The following TF variants were observed in gnomAD, a reference collection of about 807,000 sequenced individuals.
TF encodes serotransferrin.
Under a neutral mutation model 82.4 loss-of-function variants are expected in TF, and 55 were observed. The observed-to-expected ratio is 0.67, with a 90% CI of 0.54 to 0.84. TF has a LOEUF of 0.84. Among genes scored for constraint, TF ranks in the 40% least tolerant of loss-of-function variants. The pLI is 0.00. For missense variants in TF, 737 were observed against 868.4 expected (o/e 0.85, Z 1.90); for synonymous variants, 332 against 332.6 (o/e 1.00, Z 0.02).
At chr3:133,703,205 A>G in the TF span, among the ~76,000 whole-genome samples, 2 of 152,176 alleles carry the variant, frequency 1.3e-5, no homozygotes, top group Non-Finnish European at 2.9e-5. Context: ...ATTAATGGTA[A>G]CTAATTTTTC....
intron 3 of TF, 84 bp downstream of exon 3, chr3:133,753,787 T>G: frequency 1.8e-6 from 2 of 1,093,328 alleles, no homozygotes; most frequent in Non-Finnish European, 2.8e-6. Context: ...AGGTTTTGGA[T>G]ATCAGATATA....
the TF span, among the ~76,000 whole-genome samples, chr3:133,706,973 C>G: frequency 2.0e-5 from 3 of 152,194 alleles, no homozygotes; most frequent in Admixed American, 2.0e-4. Context: ...TGAAGTCCAG[C>G]AAACAATCTT....
At chr3:133,699,581 T>C in the TF span, 2 of 618,980 alleles carry the variant, frequency 3.2e-6, no homozygotes, top group African/African-American at 3.7e-5. Context: ...GAAGTGTGGG[T>C]GGCAAGGAGG....
At chr3:133,768,923 G>A (rs969905743) in intron 13 of TF, among the ~76,000 whole-genome samples, 3 of 151,188 alleles carry the variant, frequency 2.0e-5, no homozygotes, top group Non-Finnish European at 2.9e-5. Flanking sequence ...CTCCCTAGTA[G>A]CTGGGATTAC....
chr3:133,690,660 T>C, the TF span, among the ~76,000 whole-genome samples: 1 of 152,228 alleles, frequency 6.6e-6, no homozygotes, highest in African/African-American at 2.4e-5. Context: ...AGTTTGACCT[T>C]ATACAGTTGT....
the TF span, among the ~76,000 whole-genome samples, chr3:133,685,218 C>G: frequency 6.6e-6 from 1 of 152,292 alleles, no homozygotes; most frequent in East Asian, 1.9e-4. Context: ...ATAATAAGAG[C>G]TATCTGTGAC....
intron 15 of TF, 31 bp from the exon 16 acceptor site, chr3:133,777,018 G>A (rs755897861): frequency 8.1e-6 from 13 of 1,607,078 alleles, no homozygotes; most frequent in Non-Finnish European, 1.1e-5. Flanking sequence ...AAGACCACAA[G>A]GTCCTCACGG....
chr3:133,729,806 T>TC, the TF span, among the ~76,000 whole-genome samples: 3 of 152,162 alleles, frequency 2.0e-5, no homozygotes, highest in Admixed American at 1.3e-4. Flanking sequence ...TCTTGGCTCC[T>TC]CCCCCCCGTT....
chr3:133,710,877 A>C, the TF span, among the ~76,000 whole-genome samples: 1 of 151,344 alleles, frequency 6.6e-6, no homozygotes, highest in African/African-American at 2.4e-5. Context: ...TGTTGGAACC[A>C]CTCCCCTTCC....
At chr3:133,770,444 C>T (rs1335508945) in intron 13 of TF, 64 bp from the exon 14 acceptor site, 5 of 1,502,196 alleles carry the variant, frequency 3.3e-6, no homozygotes, top group Admixed American at 1.7e-5. Context: ...AGGTAGCCCC[C>T]TGAATGACAG....
the TF span, among the ~76,000 whole-genome samples, chr3:133,699,025 C>T: frequency 6.6e-6 from 1 of 152,212 alleles, no homozygotes; most frequent in African/African-American, 2.4e-5. Context: ...GACTAGTTAC[C>T]TTAAGTCTCT....
the TF span, chr3:133,699,428 G>A: frequency 8.2e-7 from 1 of 1,216,366 alleles, no homozygotes; most frequent in Non-Finnish European, 1.1e-6. Context: ...AGGCTCACCT[G>A]GGCTTTCCCT....
the TF span, chr3:133,694,371 G>C: frequency 4.6e-5 from 7 of 153,042 alleles, no homozygotes; most frequent in African/African-American, 1.7e-4. Context: ...AAGTGAGTGA[G>C]ACCCCACTGC....
chr3:133,793,185 A>G lies in TF; in HGVS notation c.*14565A>G, dbSNP rs555157777. On this transcript the variant is annotated 3_prime_UTR_variant, in exon 17 of 17. Transcript: ENST00000402696. ...CCCCCCCACCAAAAAAAAGGAAGGG[A>G]AAGACAAGAGACAGATTGTTTGTAA... is the stretch of plus-strand genomic sequence containing the variant. The G allele has an allele frequency of 1.2e-4, 18 of 152,280 alleles. No individual in the cohort carries two copies. The highest frequency in any genetic ancestry group is 2.4e-4 in the Non-Finnish European group (16 of 67,986). The allele number at this position is 152,280 out of a possible 1,614,324, so 9.4% of individuals were successfully genotyped here.
chr3:133,713,164 A>G, the TF span, among the ~76,000 whole-genome samples: 1 of 152,202 alleles, frequency 6.6e-6, no homozygotes, highest in African/African-American at 2.4e-5. Context: ...CAGACACCTC[A>G]CTTCTTACAC....
At chr3:133,756,246 C>A in intron 5 of TF, 36 bp from the exon 6 acceptor site, 1 of 1,611,028 alleles carries the variant, frequency 6.2e-7, no homozygotes, top group Non-Finnish European at 8.5e-7. Context: ...AGGGCCTGCC[C>A]TGCAGGAGCC....
chr3:133,691,195 G>A, the TF span, among the ~76,000 whole-genome samples: 1 of 152,152 alleles, frequency 6.6e-6, no homozygotes, highest in Non-Finnish European at 1.5e-5. Context: ...CCTCATTGTG[G>A]AGAAGAGGCT....
chr3:133,756,799 G>A (rs771988801), intron 6 of TF, 32 bp from the exon 7 acceptor site: 2 of 1,613,896 alleles, frequency 1.2e-6, no homozygotes, highest in South Asian at 2.2e-5. Flanking sequence ...TGGCTCTCCT[G>A]TGTTAAGCTC....
chr3:133,726,294 T>C, the TF span, among the ~76,000 whole-genome samples: 1 of 152,348 alleles, frequency 6.6e-6, no homozygotes, highest in Admixed American at 6.5e-5. Context: ...TCCTGGACTT[T>C]TTTTTGTTGG....
Sources: allele counts gnomAD v4.1 joint callset (sites outside exome capture counted in the v4.1 genomes callset), GRCh38; gene constraint gnomAD v4.1.1; transcripts MANE v1.5; gene names NCBI Gene and HGNC (gene_info 2026-07-23, HGNC 2026-07-21).